SCN7A: variants seen among roughly 807,000 people sequenced by gnomAD.
SCN7A encodes sodium channel protein type 7 subunit alpha.
Under a neutral mutation model 155.2 loss-of-function variants are expected in SCN7A, and 138 were observed. The observed-to-expected ratio is 0.89, with a 90% CI of 0.77 to 1.02. SCN7A has a LOEUF of 1.02. Ranked by LOEUF, SCN7A falls within the 50% of genes least tolerant of loss-of-function variation. The pLI, the probability that SCN7A is intolerant of heterozygous loss-of-function variation, is 0.00. For missense variants in SCN7A, 2,058 were observed against 1,986.6 expected (o/e 1.04, Z -0.68); for synonymous variants, 693 against 649.0 (o/e 1.07, Z -1.03).
At chr2:166,432,213 A>T in intron 16 of SCN7A, 105 bp downstream of exon 16, 1 of 797,294 alleles carries the variant, frequency 1.3e-6, no homozygotes, top group Non-Finnish European at 2.0e-6. Context: ...TGATGGAGTT[A>T]GAATTGAGTG....
intron 15 of SCN7A, among the ~76,000 whole-genome samples, chr2:166,433,581 C>A (rs11900439): frequency 0.28 from 43,159 of 151,968 alleles, 6,537 homozygotes; most frequent in Non-Finnish European, 0.34. Context: ...AGATTAGACC[C>A]AAGTCTGCTT....
At chr2:166,419,310 C>T (rs1701460101) in intron 20 of SCN7A, among the ~76,000 whole-genome samples, 1 of 149,088 alleles carries the variant, frequency 6.7e-6, no homozygotes, top group African/African-American at 2.5e-5. Flanking sequence ...TCAGAATATT[C>T]TATAATGTTT....
intron 14 of SCN7A, among the ~76,000 whole-genome samples, chr2:166,442,991 A>T (rs1469277759): frequency 6.6e-6 from 1 of 152,170 alleles, no homozygotes; most frequent in East Asian, 1.9e-4. Flanking sequence ...AACTTATCTA[A>T]AGCATATCAT....
intron 2 of SCN7A, among the ~76,000 whole-genome samples, chr2:166,479,607 A>T (rs1702875866): frequency 6.6e-6 from 1 of 152,124 alleles, no homozygotes; most frequent in South Asian, 2.1e-4. Flanking sequence ...ATACACATAG[A>T]CTAAAAATAT....
At chr2:166,468,282 A>G (rs1331003805) in intron 7 of SCN7A, among the ~76,000 whole-genome samples, 1 of 152,090 alleles carries the variant, frequency 6.6e-6, no homozygotes, top group African/African-American at 2.4e-5. Context: ...GCCAGGAAGC[A>G]TAAATTCACA....
chr2:166,477,407 A>G, intron 3 of SCN7A, 56 bp downstream of exon 3: 1 of 1,069,290 alleles, frequency 9.4e-7, no homozygotes, highest in Non-Finnish European at 1.3e-6. Flanking sequence ...CATTTTCTGT[A>G]TGTCTGGAAA....
At chr2:166,472,692 T>TA (rs1702686374) in intron 5 of SCN7A, among the ~76,000 whole-genome samples, 1 of 151,872 alleles carries the variant, frequency 6.6e-6, no homozygotes, top group Non-Finnish European at 1.5e-5. Flanking sequence ...ATGCTTTAAA[T>TA]AGGGTAGGCT....
At chr2:166,417,401 AG>A (rs1259751996) in intron 20 of SCN7A, among the ~76,000 whole-genome samples, 1 of 152,172 alleles carries the variant, frequency 6.6e-6, no homozygotes, top group Admixed American at 6.6e-5. Flanking sequence ...TGAAGCCAGG[AG>A]GCAGAGCTTG....
intron 21 of SCN7A, chr2:166,414,527 C>T (rs936855434): frequency 8.5e-5 from 12 of 140,640 alleles, no homozygotes; most frequent in African/African-American, 2.9e-4. Context: ...TTTTCGGTCA[C>T]CCGGAAGTCT....
chr2:166,413,235 A>G (rs1701241283), intron 21 of SCN7A, 114 bp from the exon 22 acceptor site: 1 of 532,332 alleles, frequency 1.9e-6, no homozygotes, highest in African/African-American at 2.0e-5. Flanking sequence ...ACTTCCATAT[A>G]CTGTGTAATT....
chr2:166,475,888 C>A (rs1036209743), intron 3 of SCN7A, among the ~76,000 whole-genome samples: 1 of 151,920 alleles, frequency 6.6e-6, no homozygotes, highest in Non-Finnish European at 1.5e-5. Flanking sequence ...GGGAACTAGA[C>A]CAAGAGTAAC....
At chr2:166,456,819 TATATATATATAG>T (rs1355631284) in intron 11 of SCN7A, 39 bp downstream of exon 11, 55 of 644,088 alleles carry the variant, frequency 8.5e-5, no homozygotes, top group African/African-American at 2.5e-4. Flanking sequence ...TATATATATA[TATATATATATAG>T]ATAGATAGAT....
At chr2:166,474,588 G>C (rs751994964) in intron 3 of SCN7A, among the ~76,000 whole-genome samples, 5 of 151,430 alleles carry the variant, frequency 3.3e-5, no homozygotes, top group Non-Finnish European at 7.4e-5. Flanking sequence ...CTACACCCGA[G>C]AAAGTTGTTT....
Position 166,443,616 on chromosome 2 carries a change from C to T in SCN7A, c.1687G>A (p.Gly563Arg). 6.4e-7 allele frequency: 1 copy of T among 1,570,718 alleles called. No homozygotes were observed. Among genetic ancestry groups the T allele is most frequent in the Non-Finnish European group, 8.6e-7 (1 of 1,157,020 alleles). Residue 563 changes from glycine to arginine, a missense_variant, in exon 14 of 26, where the codon GGG becomes AGG. Transcript: ENST00000643258. The stretch of plus-strand genomic sequence containing the variant: ...ATGTTCCAACCTACTTGGAAATACC[C>T]ATATGGATGCATTGCAATTATTTTA... ...IFKIIAMHPY[G>R]YFQVGWNIFD...
intron 11 of SCN7A, among the ~76,000 whole-genome samples, chr2:166,451,265 C>G (rs1351942492): frequency 6.6e-6 from 1 of 152,114 alleles, no homozygotes; most frequent in African/African-American, 2.4e-5. Context: ...AATGAATAAA[C>G]CACAGGTCTG....
intron 24 of SCN7A, 27 bp downstream of exon 24, chr2:166,410,193 T>A: frequency 1.4e-6 from 2 of 1,474,852 alleles, no homozygotes; most frequent in Non-Finnish European, 9.2e-7. Context: ...TCCATTGAAG[T>A]TTCAAAAAAT....
chr2:166,456,853 TAG>T lies in SCN7A; in HGVS notation c.1290+15_1290+16del. Reference sequence around the variant, plus strand: ...ATAGATAGATAGATAGATAGATAGATAGATAGATATAGATACCTCATCTGTTT... The same window carrying T: ...ATAGATAGATAGATAGATAGATAGATATAGATATAGATACCTCATCTGTTT... On this transcript the variant is annotated intron_variant, in intron 11 of 25. Transcript: ENST00000643258. 7.9e-7 allele frequency: 1 copy of T among 1,269,488 alleles called. No homozygotes were observed. Among genetic ancestry groups the T allele is most frequent in the Non-Finnish European group, 1.1e-6 (1 of 899,112 alleles). The allele number at this position is 1,269,488 out of a possible 1,614,324, so 78.6% of individuals were successfully genotyped here.
intron 5 of SCN7A, among the ~76,000 whole-genome samples, 190 bp from the exon 6 acceptor site, chr2:166,472,635 T>C (rs928033964): frequency 6.6e-6 from 1 of 151,892 alleles, no homozygotes; most frequent in Admixed American, 6.6e-5. Context: ...CAAGTGCTCC[T>C]TGAGCCCTAG....
chr2:166,447,512 A>G, intron 12 of SCN7A, 100 bp downstream of exon 12: 2 of 697,232 alleles, frequency 2.9e-6, no homozygotes, highest in Non-Finnish European at 4.7e-6. Context: ...AATTTTTGTT[A>G]TTACCATCTA....
Sources: allele counts gnomAD v4.1 joint callset (sites outside exome capture counted in the v4.1 genomes callset), GRCh38; gene constraint gnomAD v4.1.1; transcripts MANE v1.5; gene names NCBI Gene and HGNC (gene_info 2026-07-23, HGNC 2026-07-21).